The following RAD51B variants were observed in gnomAD, a reference collection of about 807,000 sequenced individuals.
The protein encoded by RAD51B is RAD51 paralog B.
In RAD51B, 38 loss-of-function variants were observed where a neutral mutation model predicts 42.2. The ratio of observed to expected loss-of-function variants is 0.90; its 90% CI spans 0.70 to 1.18. RAD51B has a LOEUF of 1.18. Among genes scored for constraint, RAD51B ranks in the 50% most tolerant of loss-of-function variants. The pLI is 0.00. For synonymous variants in RAD51B, 154 were observed against 145.2 expected (o/e 1.06, Z -0.43); for missense variants, 373 against 400.7 (o/e 0.93, Z 0.59).
At chr14:68,596,441 G>A (rs1281334589), downstream of RAD51B, among the ~76,000 whole-genome samples, 5 of 151,992 alleles carry the variant, frequency 3.3e-5, no homozygotes, top group Admixed American at 6.5e-5. Context: ...TTGAAAATGT[G>A]ACAAAAAAGA....
At chr14:68,488,728 G>C (rs1484528786) in intron 10 of RAD51B, among the ~76,000 whole-genome samples, 2 of 152,156 alleles carry the variant, frequency 1.3e-5, no homozygotes, top group African/African-American at 4.8e-5. Flanking sequence ...ATTCGGAGTT[G>C]AGCCCATCTC....
intron 8 of RAD51B, among the ~76,000 whole-genome samples, chr14:68,353,283 A>G (rs1053796547): frequency 6.6e-6 from 1 of 152,230 alleles, no homozygotes; most frequent in African/African-American, 2.4e-5. Context: ...CCATAAAGAA[A>G]AATAAAGTAA....
At chr14:68,262,687 T>A (rs1006835941) in intron 7 of RAD51B, among the ~76,000 whole-genome samples, 7 of 152,132 alleles carry the variant, frequency 4.6e-5, no homozygotes, top group Admixed American at 6.5e-5. Flanking sequence ...CTGGCATTTG[T>A]GAAAATTGCA....
intron 10 of RAD51B, among the ~76,000 whole-genome samples, chr14:68,638,759 G>A (rs1477216437): frequency 6.6e-6 from 1 of 152,120 alleles, no homozygotes; most frequent in Non-Finnish European, 1.5e-5. Context: ...CCCACGTGAC[G>A]CACAAGCAGA....
chr14:68,006,381 A>G (rs1227321542), intron 7 of RAD51B, among the ~76,000 whole-genome samples: 1 of 152,114 alleles, frequency 6.6e-6, no homozygotes, highest in Non-Finnish European at 1.5e-5. Flanking sequence ...TTTTAATAAC[A>G]TTTTTCCAGA....
chr14:68,635,376 A>G (rs1364841817), intron 10 of RAD51B, among the ~76,000 whole-genome samples: 1 of 152,228 alleles, frequency 6.6e-6, no homozygotes, highest in Non-Finnish European at 1.5e-5. Context: ...AACTGCTTTA[A>G]ACTATGTTTA....
chr14:68,512,954 G>A (rs960858437), intron 10 of RAD51B, among the ~76,000 whole-genome samples: 3 of 152,004 alleles, frequency 2.0e-5, no homozygotes, highest in Non-Finnish European at 2.9e-5. Context: ...CAAGCAGAAG[G>A]AATAGCAAGT....
chr14:68,338,844 C>A, intron 8 of RAD51B: 1 of 607,398 alleles, frequency 1.6e-6, no homozygotes, highest in Non-Finnish European at 3.1e-6. Context: ...CTCATCGTAT[C>A]TGTCGTAGTT....
chr14:68,366,150 G>A (rs2083138616), intron 8 of RAD51B, among the ~76,000 whole-genome samples: 1 of 152,030 alleles, frequency 6.6e-6, no homozygotes, highest in Admixed American at 6.5e-5. Flanking sequence ...TCCTGAAGTG[G>A]GAGTACTGGA....
At chr14:68,648,370 G>C (rs1007916516) in intron 10 of RAD51B, among the ~76,000 whole-genome samples, 2 of 146,738 alleles carry the variant, frequency 1.4e-5, no homozygotes, top group African/African-American at 5.0e-5. Context: ...GAAGAGATTA[G>C]AATGTCTATT....
intron 11 of RAD51B, among the ~76,000 whole-genome samples, chr14:68,665,013 C>G (rs1367100485): frequency 6.6e-6 from 1 of 152,260 alleles, no homozygotes. Flanking sequence ...TCTTCCCCTA[C>G]TCACATAATG....
At chr14:68,591,857 G>C (rs1180756048) in intron 10 of RAD51B, among the ~76,000 whole-genome samples, 3 of 152,078 alleles carry the variant, frequency 2.0e-5, no homozygotes, top group African/African-American at 4.8e-5. Context: ...CGGCCACCTG[G>C]ATGGGCCTCA....
At chr14:68,102,412 C>T (rs1164744753) in intron 7 of RAD51B, among the ~76,000 whole-genome samples, 3 of 152,188 alleles carry the variant, frequency 2.0e-5, no homozygotes, top group Admixed American at 2.0e-4. Flanking sequence ...GCCAAACCAT[C>T]TCTCTCAAGT....
At chr14:67,905,113 T>C (rs1357134162) in intron 7 of RAD51B, among the ~76,000 whole-genome samples, 3 of 152,116 alleles carry the variant, frequency 2.0e-5, no homozygotes, top group African/African-American at 7.3e-5. Flanking sequence ...GAATCTAATT[T>C]CAGTCTTCTG....
At chr14:68,603,846 GCTGT>G (rs1891325357) in intron 10 of RAD51B, among the ~76,000 whole-genome samples, 1 of 152,232 alleles carries the variant, frequency 6.6e-6, no homozygotes, top group South Asian at 2.1e-4. Flanking sequence ...CTGTCCGCAT[GCTGT>G]CAGGCTACCT....
chr14:68,412,274 A>G (rs1163452998), intron 9 of RAD51B, among the ~76,000 whole-genome samples: 1 of 152,226 alleles, frequency 6.6e-6, no homozygotes, highest in Non-Finnish European at 1.5e-5. Context: ...CTGCTGTGTG[A>G]CCAGATTCAA....
At chr14:68,388,095 T>TATA (rs869245953) in intron 8 of RAD51B, among the ~76,000 whole-genome samples, 3,403 of 106,260 alleles carry the variant, frequency 0.032, 51 homozygotes, top group Non-Finnish European at 0.042. Context: ...TATATATATA[T>TATA]TTTTTTTTTT....
intron 10 of RAD51B, among the ~76,000 whole-genome samples, chr14:68,471,646 C>T (rs1473864334): frequency 2.7e-5 from 4 of 148,078 alleles, no homozygotes; most frequent in Non-Finnish European, 4.4e-5. Context: ...GGAGCCGGTC[C>T]ATGCTATTGT....
rs536181926 is a variant in RAD51B at position 68,590,357 on chromosome 14, G to A, written c.1037-4128G>A. Among the ~76,000 whole-genome samples, 3 of 152,300 alleles carry A rather than the reference G, an allele frequency of 2.0e-5. No individual in the cohort carries two copies. In the South Asian group the frequency reaches 6.2e-4, roughly 32 times the overall value. ...TTAAAAAAAAGAACCAGTTTTCCAT[G>A]AGCAGGCTTGAAACCAGTCTGGCCA... On this transcript the variant is annotated intron_variant, in intron 10 of 10. Transcript: ENST00000487270.
Sources: allele counts gnomAD v4.1 joint callset (sites outside exome capture counted in the v4.1 genomes callset), GRCh38; gene constraint gnomAD v4.1.1; transcripts MANE v1.5; gene names NCBI Gene and HGNC (gene_info 2026-07-23, HGNC 2026-07-21).